KLRD1: variants seen among roughly 807,000 people sequenced by gnomAD.
KLRD1 encodes killer cell lectin like receptor D1, also known as natural killer cells antigen CD94.
A neutral mutation model predicts 22.6 loss-of-function variants in KLRD1; 21 were observed. The ratio of observed to expected loss-of-function variants is 0.93; its 90% CI spans 0.66 to 1.34. The LOEUF is 1.34. Among genes scored for constraint, KLRD1 ranks in the 40% most tolerant of loss-of-function variants. The probability of loss-of-function intolerance (pLI) is 0.00; values close to 1 mark genes in which losing one functional copy is unlikely to be tolerated. For synonymous variants in KLRD1, 59 were observed against 71.1 expected (o/e 0.83, Z 0.85); for missense variants, 183 against 208.6 (o/e 0.88, Z 0.76).
chr12:10,313,204 G>A (rs949634418), intron 4 of KLRD1, among the ~76,000 whole-genome samples: 23 of 151,996 alleles, frequency 1.5e-4, no homozygotes, highest in Admixed American at 2.0e-4. Flanking sequence ...AGATTTTGTG[G>A]TATTTTTTCT....
intron 1 of KLRD1, among the ~76,000 whole-genome samples, chr12:10,255,049 T>G (rs1949381847): frequency 7.5e-6 from 1 of 133,060 alleles, no homozygotes; most frequent in Non-Finnish European, 1.6e-5. Context: ...TGAGACACTG[T>G]CTCACATCAG....
At chr12:10,259,405 A>G (rs1949428134) in intron 1 of KLRD1, among the ~76,000 whole-genome samples, 1 of 152,184 alleles carries the variant, frequency 6.6e-6, no homozygotes, top group African/African-American at 2.4e-5. Context: ...AATGTCCAAT[A>G]TATGTAGTTA....
In KLRD1 at chr12:10,253,374, A is replaced by G. The variant is rs543286406; in HGVS notation, c.-101+27141A>G. Among the ~76,000 whole-genome samples, 52 of 151,596 alleles carry G rather than the reference A, an allele frequency of 3.4e-4. No homozygotes were observed. In the South Asian group the frequency reaches 9.9e-3, roughly 29 times the overall value. ...TTCATTTTGTTTAGTTTTCATTGCA[A>G]TGTCTTCGGATTCGGGCATCTTTTC... On this transcript the variant is annotated intron_variant, in intron 1 of 5. Coordinates refer to the KLRD1 transcript ENST00000544747.
intron 1 of KLRD1, among the ~76,000 whole-genome samples, chr12:10,262,987 A>G (rs1189939230): frequency 1.3e-5 from 2 of 152,076 alleles, no homozygotes; most frequent in African/African-American, 4.8e-5. Context: ...TCAGGAAAAA[A>G]CAACCTATGC....
intron 1 of KLRD1, among the ~76,000 whole-genome samples, chr12:10,271,096 TG>T (rs1018389415): frequency 4.3e-4 from 13 of 30,260 alleles, no homozygotes; most frequent in African/African-American, 9.0e-4. Context: ...ACTCCCTAAT[TG>T]TTTTTTTTTT....
At chr12:10,288,829 T>C (rs551819844) in intron 1 of KLRD1, among the ~76,000 whole-genome samples, 12 of 152,354 alleles carry the variant, frequency 7.9e-5, no homozygotes, top group African/African-American at 2.6e-4. Context: ...TACTTCAGGC[T>C]ACTGGAACTT....
In KLRD1 at chr12:10,271,518, A is replaced by AT. The variant is rs1261954816; in HGVS notation, c.-100-36458dup. 2.6e-5 allele frequency among the ~76,000 whole-genome samples: 4 copies of AT among 152,198 alleles called. No homozygotes were observed. In the East Asian group the frequency reaches 7.7e-4, roughly 29 times the overall value. ...GAATATTTGTTTTCGTGATTAGTTCATTAAAATATTTAAGCCAAAAAGTGA... is the reference window on the plus strand; with the variant it reads ...GAATATTTGTTTTCGTGATTAGTTCATTTAAAATATTTAAGCCAAAAAGTGA... On this transcript the variant is annotated intron_variant, in intron 1 of 5. Coordinates refer to the KLRD1 transcript ENST00000544747.
intron 1 of KLRD1, among the ~76,000 whole-genome samples, chr12:10,287,735 CTTAG>C (rs1949721401): frequency 6.6e-6 from 1 of 152,120 alleles, no homozygotes; most frequent in African/African-American, 2.4e-5. Context: ...ACGGGGATAA[CTTAG>C]TTTAATTATC....
intron 1 of KLRD1, among the ~76,000 whole-genome samples, chr12:10,283,808 G>C (rs1299214077): frequency 3.9e-5 from 6 of 152,058 alleles, no homozygotes. Context: ...GACTGACAGA[G>C]TGGAAGAAAC....
intron 1 of KLRD1, among the ~76,000 whole-genome samples, chr12:10,287,564 T>C (rs187678775): frequency 2.3e-4 from 35 of 152,318 alleles, no homozygotes; most frequent in Middle Eastern, 6.8e-3. Context: ...TGAAGTATTA[T>C]AAAACCTATA....
At chr12:10,260,463 A>T (rs1186851314) in intron 1 of KLRD1, among the ~76,000 whole-genome samples, 1 of 152,074 alleles carries the variant, frequency 6.6e-6, no homozygotes, top group Non-Finnish European at 1.5e-5. Flanking sequence ...GAAAATTCAG[A>T]TATTATCTCT....
At position 10,282,078 on chromosome 12, in the gene KLRD1, GAGAA is replaced by G. The variant is rs535003617; in HGVS notation, c.-100-25899_-100-25896del. Among the ~76,000 whole-genome samples the G allele has an allele frequency of 3.9e-3, 594 of 152,096 alleles. 15 individuals are homozygous for G. In the East Asian group the frequency reaches 0.067, roughly 17 times the overall value. On this transcript the variant is annotated intron_variant, in intron 1 of 5. Transcript: ENST00000544747. ...TCTGGTTTATCATTTTTGTGAATTT[GAGAA>G]TAAAGTACTCTGATCGTTATATGTC...
chr12:10,263,053 T>C (rs970872477), intron 1 of KLRD1, among the ~76,000 whole-genome samples: 6 of 152,042 alleles, frequency 3.9e-5, no homozygotes, highest in Non-Finnish European at 7.4e-5. Context: ...CACAAAGTAC[T>C]GTTTATCACG....
chr12:10,316,996 A>G lies in KLRD1; in HGVS notation c.*2203A>G, dbSNP rs1308133049. ...CACCTCCCTGTGTCCATGTGTTCTC[A>G]TTGTTCAACTCCCACTTATTAGTAA... On this transcript the variant is annotated 3_prime_UTR_variant, in exon 6 of 6. Coordinates refer to ENST00000336164, the MANE Select transcript of KLRD1 (RefSeq NM_002262.5). The G allele has an allele frequency of 3.5e-4, 50 of 142,680 alleles. No individual in the cohort carries two copies. In the Admixed American group the frequency reaches 3.6e-3, roughly 10 times the overall value. 8.8% of individuals were successfully genotyped at this position (142,680 alleles called of 1,614,324 possible). A position where few individuals can be genotyped will look rare whatever the true frequency, so the allele number is the denominator to read the frequency against.
At chr12:10,248,064 T>C (rs529381752) in intron 1 of KLRD1, among the ~76,000 whole-genome samples, 12 of 152,304 alleles carry the variant, frequency 7.9e-5, no homozygotes, top group African/African-American at 2.9e-4. Context: ...ACAGTTGCAA[T>C]GTGCACATGC....
intron 1 of KLRD1, among the ~76,000 whole-genome samples, chr12:10,280,050 C>T (rs927356322): frequency 2.0e-5 from 3 of 152,190 alleles, no homozygotes; most frequent in Non-Finnish European, 4.4e-5. Context: ...AAATGTCTTT[C>T]TCCTTTCCCA....
Position 10,326,462 on chromosome 12 carries a change from A to G in KLRD1, c.*11669A>G, listed in dbSNP as rs1312090609. ...CATTTTAGGGAGACATGAGACATCA[A>G]TCAACATATGTAAAATGAACAGTGG... On this transcript the variant is annotated 3_prime_UTR_variant, in exon 6 of 6. Transcript: ENST00000336164. 1.3e-5 allele frequency: 2 copies of G among 152,276 alleles called. No homozygotes were observed. Among genetic ancestry groups the G allele is most frequent in the Non-Finnish European group, 2.9e-5 (2 of 68,076 alleles). The allele number at this position is 152,276 out of a possible 1,614,324, so 9.4% of individuals were successfully genotyped here.
At position 10,310,320 on chromosome 12, in the gene KLRD1, A is replaced by C. The variant is rs150150462; in HGVS notation, c.163+632A>C. On this transcript the variant is annotated intron_variant, in intron 3 of 5. Transcript: ENST00000336164. Reference sequence around the variant, plus strand: ...TTATTAGTAGAGTCAGGGTTTCGCCATGTTGGCCAGGCTGGTCTCGAACTC... The same window carrying C: ...TTATTAGTAGAGTCAGGGTTTCGCCCTGTTGGCCAGGCTGGTCTCGAACTC... 3.9e-3 allele frequency among the ~76,000 whole-genome samples: 597 copies of C among 152,260 alleles called. 3 individuals carry two copies. Among genetic ancestry groups the C allele is most frequent in the African/African-American group, 0.013 (542 of 41,570 alleles).
chr12:10,269,476 A>G (rs993377109), intron 1 of KLRD1, among the ~76,000 whole-genome samples: 6 of 152,156 alleles, frequency 3.9e-5, no homozygotes, highest in African/African-American at 1.4e-4. Flanking sequence ...AAAAATTATC[A>G]GCCAGGTATC....
Sources: gnomAD v4.1 joint callset for allele counts (sites outside exome capture counted in the v4.1 genomes callset) on GRCh38, gnomAD v4.1.1 for gene constraint, MANE v1.5 for transcripts, NCBI Gene and HGNC (gene_info 2026-07-23, HGNC 2026-07-21) for gene names.